Variants in CDC20B observed in about 807,000 individuals in gnomAD.
CDC20B encodes the protein cell division cycle 20B.
Under a neutral mutation model 64.1 loss-of-function variants are expected in CDC20B, and 58 were observed. That is an observed-to-expected ratio of 0.90 (90% CI 0.73 to 1.13). CDC20B has a LOEUF of 1.13. Ranked by LOEUF, CDC20B falls within the 50% of genes most tolerant of loss-of-function variation. CDC20B has a pLI of 0.00. For missense variants in CDC20B, 597 were observed against 633.0 expected (o/e 0.94, Z 0.61); for synonymous variants, 243 against 230.6 (o/e 1.05, Z -0.49).
At position 55,124,826 on chromosome 5, in the gene CDC20B, T is replaced by C. The variant is rs768183598; in HGVS notation, c.1192A>G (p.Ile398Val). 2 of 1,614,164 alleles carry C rather than the reference T, an allele frequency of 1.2e-6. No homozygotes were observed. Among genetic ancestry groups the C allele is most frequent in the Non-Finnish European group, 1.7e-6 (2 of 1,179,974 alleles). ...ASAQGQPLKV[I>V]TQSTAVKAMD... ...ACCTTGACTGCCGTAGACTGGGTTA[T>C]GACTTTCAGCGGTTGGCCCTGTGCA... Residue 398 changes from isoleucine (I) to valine (V), a missense_variant, in exon 9 of 12, where the codon ATA (isoleucine) becomes GTA (valine). By Grantham distance (29) the Ile-to-Val change is conservative. Coordinates refer to ENST00000381375, the MANE Select transcript of CDC20B (RefSeq NM_001170402.1).
At chr5:55,124,723 A>G in intron 9 of CDC20B, 80 bp downstream of exon 9, 1 of 1,172,840 alleles carries the variant, frequency 8.5e-7, no homozygotes, top group Non-Finnish European at 1.2e-6. Context: ...ATATTGGCTT[A>G]ATGATTTTCT....
intron 3 of CDC20B, among the ~76,000 whole-genome samples, chr5:55,144,369 G>A (rs764212280): frequency 2.6e-5 from 4 of 152,140 alleles, no homozygotes; most frequent in African/African-American, 4.8e-5. Context: ...AACCTGTCAA[G>A]TCATTCTCTA....
chr5:55,163,773 G>A (rs1214422437), intron 2 of CDC20B, among the ~76,000 whole-genome samples: 3 of 150,668 alleles, frequency 2.0e-5, no homozygotes, highest in African/African-American at 7.3e-5. Context: ...CTCCCAAAGT[G>A]CTGGGATTAC....
At chr5:55,160,903 C>A in intron 2 of CDC20B, 1 of 1,312,638 alleles carries the variant, frequency 7.6e-7, no homozygotes. Context: ...GTTATAGTCC[C>A]CCCCAAATTG....
At chr5:55,170,636 T>C (rs745577503) in intron 2 of CDC20B, 1 of 534,796 alleles carries the variant, frequency 1.9e-6, no homozygotes. Flanking sequence ...TCCAGAGCAC[T>C]TCATTGACAA....
Position 55,161,165 on chromosome 5 carries a change from G to C in CDC20B, c.126+11423C>G. 6.2e-7 allele frequency: 1 copy of C among 1,614,192 alleles called. No individual in the cohort carries two copies. On this transcript the variant is annotated intron_variant, in intron 2 of 11. Coordinates refer to ENST00000381375, the MANE Select transcript of CDC20B (RefSeq NM_001170402.1). ...CCCAAGCAAGGAAGTAGAATCTTTT[G>C]CAAGAAAAAACTACGGAGTAACTTT... is the stretch of plus-strand genomic sequence containing the variant.
chr5:55,136,572 A>AC (rs1743178456), intron 5 of CDC20B: 1 of 151,948 alleles, frequency 6.6e-6, no homozygotes, highest in African/African-American at 2.4e-5. Flanking sequence ...AAAAAAAAAA[A>AC]AAAATAGGAC....
intron 2 of CDC20B, chr5:55,160,907 CA>C (rs1744011077): frequency 7.2e-7 from 1 of 1,381,400 alleles, no homozygotes; most frequent in East Asian, 2.4e-5. Flanking sequence ...TAGTCCCCCC[CA>C]AATTGTTTAG....
chr5:55,129,558 A>T (rs377708835), intron 6 of CDC20B, among the ~76,000 whole-genome samples: 66 of 152,354 alleles, frequency 4.3e-4, no homozygotes, highest in African/African-American at 1.6e-3. Context: ...AGTCCTAGAC[A>T]TGGGAAAGCC....
At chr5:55,121,992 C>G (rs1742769877) in intron 9 of CDC20B, among the ~76,000 whole-genome samples, 1 of 152,094 alleles carries the variant, frequency 6.6e-6, no homozygotes, top group South Asian at 2.1e-4. Context: ...CTAAATTTAC[C>G]AAAGTTCTCC....
At chr5:55,129,960 A>T (rs1208803727) in intron 6 of CDC20B, among the ~76,000 whole-genome samples, 2 of 152,260 alleles carry the variant, frequency 1.3e-5, no homozygotes, top group East Asian at 3.8e-4. Context: ...AAATGTAAAG[A>T]CAAAACATAA....
chr5:55,143,848 G>A (rs1743398574), intron 3 of CDC20B, among the ~76,000 whole-genome samples: 1 of 152,100 alleles, frequency 6.6e-6, no homozygotes, highest in Non-Finnish European at 1.5e-5. Flanking sequence ...GAGCAGTACA[G>A]AATCCTATCC....
chr5:55,128,371 T>A, intron 7 of CDC20B, 50 bp downstream of exon 7: 1 of 1,409,328 alleles, frequency 7.1e-7, no homozygotes, highest in Non-Finnish European at 9.6e-7. Context: ...TCAATTATAG[T>A]GTAATAATAC....
At chr5:55,164,138 G>C (rs781377475) in intron 2 of CDC20B, 1 of 1,605,864 alleles carries the variant, frequency 6.2e-7, no homozygotes, top group Non-Finnish European at 8.5e-7. Flanking sequence ...CTGGAAGCCA[G>C]AGGAGCCCAT....
intron 2 of CDC20B, chr5:55,167,129 C>T (rs1744437200): frequency 6.6e-6 from 1 of 152,154 alleles, no homozygotes; most frequent in Non-Finnish European, 1.5e-5. Context: ...AGGAAAAGGA[C>T]AAAATCAAAT....
chr5:55,173,036 C>T lies in CDC20B; in HGVS notation c.-36G>A. On this transcript the variant is annotated 5_prime_UTR_variant, in exon 1 of 12. Transcript: ENST00000381375. ...CTTCGCCCTGCCTGGCGTTTGGCCT[C>T]TCTGCTCGACTGCCTCTGGTTTTCT... 6.3e-7 allele frequency: 1 copy of T among 1,575,370 alleles called. No homozygotes were observed. Among genetic ancestry groups the T allele is most frequent in the Non-Finnish European group, 8.7e-7 (1 of 1,153,962 alleles).
intron 7 of CDC20B, 61 bp downstream of exon 7, chr5:55,128,360 G>A: frequency 7.5e-7 from 1 of 1,331,644 alleles, no homozygotes; most frequent in Non-Finnish European, 1.0e-6. Flanking sequence ...GTTATTAAAA[G>A]TCAATTATAG....
chr5:55,154,049 C>T lies in CDC20B; in HGVS notation c.127-7193G>A, dbSNP rs1168657949. ...CGCTCAGAACACATCTGGAGAACCA[C>T]GTCCAGTCCCAGAACTGTTCTTCAA... is the stretch of plus-strand genomic sequence containing the variant. On this transcript the variant is annotated intron_variant, in intron 2 of 11. Coordinates refer to ENST00000381375, the MANE Select transcript of CDC20B (RefSeq NM_001170402.1). 3.9e-5 allele frequency among the ~76,000 whole-genome samples: 6 copies of T among 152,310 alleles called. No individual in the cohort carries two copies. In the East Asian group the frequency reaches 5.8e-4, roughly 15 times the overall value.
chr5:55,143,550 T>TC lies in CDC20B; in HGVS notation c.448dup (p.Asp150GlyfsTer30). 1 of 1,611,022 alleles carries TC rather than the reference T, an allele frequency of 6.2e-7. No homozygotes were observed. Among genetic ancestry groups the TC allele is most frequent in the Non-Finnish European group, 8.5e-7 (1 of 1,178,252 alleles). ...GGCAACACTTTCTTTCCAGTCTCTG[T>TC]CCATTGCATGAGGTGCCTTGCAAAA... On this transcript the variant is annotated frameshift_variant, in exon 4 of 12. Coordinates refer to ENST00000381375, the MANE Select transcript of CDC20B (RefSeq NM_001170402.1). LOFTEE classifies it high-confidence loss of function.
Sources: gnomAD v4.1 joint callset for allele counts (sites outside exome capture counted in the v4.1 genomes callset) on GRCh38, gnomAD v4.1.1 for gene constraint, MANE v1.5 for transcripts, NCBI Gene and HGNC (gene_info 2026-07-23, HGNC 2026-07-21) for gene names.